The following RYR2 variants were observed in gnomAD, a reference collection of about 807,000 sequenced individuals.
The protein encoded by RYR2 is ryanodine receptor 2, also known as cardiac muscle ryanodine receptor-calcium release channel.
RYR2 carries 227 observed loss-of-function variants against 601.1 expected under a neutral mutation model. The ratio of observed to expected loss-of-function variants is 0.38; its 90% CI spans 0.34 to 0.42. The LOEUF (loss-of-function observed/expected upper bound fraction) is 0.42. Ranked by LOEUF, RYR2 falls within the 10% of genes least tolerant of loss-of-function variation. The pLI is 1.00. For synonymous variants in RYR2, 2,223 were observed against 2,175.1 expected, an observed-to-expected ratio of 1.02 and a Z score of -0.61; for missense variants, 4,646 against 6,156.5, an observed-to-expected ratio of 0.75 and a Z score of 8.21.
At chr1:237,279,743 C>T (rs1690663212) in intron 2 of RYR2, among the ~76,000 whole-genome samples, 1 of 152,038 alleles carries the variant, frequency 6.6e-6, no homozygotes. Flanking sequence ...GCAGTGCTGC[C>T]CCTACAAAAG....
chr1:237,341,530 T>C (rs962159885), intron 3 of RYR2: 40 of 430,270 alleles, frequency 9.3e-5, no homozygotes, highest in Non-Finnish European at 1.5e-4. Flanking sequence ...TCGCGGTCTG[T>C]TTATTGCCTT....
At position 237,138,738 on chromosome 1, in the gene RYR2, T is replaced by A. The variant is rs554358525; in HGVS notation, c.48+96169T>A. ...AATCTGGAGTCCCCTAGCTTAAAAG[T>A]AATTCTACTTTAAAAGTATGTAATA... On this transcript the variant is annotated intron_variant, in intron 1 of 104. Transcript: ENST00000366574. Among the ~76,000 whole-genome samples the A allele has an allele frequency of 3.9e-5, 6 of 152,356 alleles. No homozygotes were observed. The South Asian group carries it at 1.2e-3, about 32-fold the overall frequency.
chr1:237,120,224 C>T (rs527855760), intron 1 of RYR2, among the ~76,000 whole-genome samples: 40 of 152,218 alleles, frequency 2.6e-4, no homozygotes, highest in African/African-American at 7.9e-4. Flanking sequence ...GTTTATGTCA[C>T]GTGGCCTGAC....
intron 6 of RYR2, 55 bp downstream of exon 6, chr1:237,369,663 A>C: frequency 1.4e-6 from 2 of 1,402,136 alleles, no homozygotes; most frequent in Non-Finnish European, 9.9e-7. Flanking sequence ...ATTTGGGGGT[A>C]CATGGTCTGC....
At position 237,623,350 on chromosome 1, in the gene RYR2, C is replaced by CCTTTCTTAGTTTCTTTCTTT. The variant is rs1679262933; in HGVS notation, c.5917-408_5917-407insAGTTTCTTTCTTTCTTTCTT. On this transcript the variant is annotated intron_variant, in intron 38 of 104. Transcript: ENST00000366574. ...CATTTTTGCTTTTGTGGTAGTTGTG[C>CCTTTCTTAGTTTCTTTCTTT]CTTTCTTTGTTTCTTTCTTTCTTTC... 4.1e-5 allele frequency among the ~76,000 whole-genome samples: 3 copies of CCTTTCTTAGTTTCTTTCTTT among 73,872 alleles called. No homozygotes were observed. In the Admixed American group the frequency reaches 4.8e-4, roughly 12 times the overall value. The allele number at this position is 73,872 out of a possible 152,430, so 48.5% of individuals were successfully genotyped here. A position where few individuals can be genotyped will look rare whatever the true frequency, so the allele number is the denominator to read the frequency against.
chr1:237,274,907 C>T (rs1309022696), intron 2 of RYR2, among the ~76,000 whole-genome samples: 1 of 152,004 alleles, frequency 6.6e-6, no homozygotes, highest in African/African-American at 2.4e-5. Context: ...GAGTAATAGG[C>T]TATACCGTAC....
intron 8 of RYR2, among the ~76,000 whole-genome samples, chr1:237,382,201 G>C (rs965799810): frequency 6.6e-6 from 1 of 152,038 alleles, no homozygotes; most frequent in Non-Finnish European, 1.5e-5. Flanking sequence ...AATGAAACAG[G>C]CCAAGTTTTT....
At chr1:237,735,367 G>T (rs1386150304) in intron 79 of RYR2, among the ~76,000 whole-genome samples, 1 of 152,026 alleles carries the variant, frequency 6.6e-6, no homozygotes, top group African/African-American at 2.4e-5. Flanking sequence ...AGGTTGAAGG[G>T]GATTATTTTT....
At chr1:237,712,392 A>T (rs767614243) in intron 71 of RYR2, among the ~76,000 whole-genome samples, 2 of 151,826 alleles carry the variant, frequency 1.3e-5, no homozygotes, top group Non-Finnish European at 2.9e-5. Flanking sequence ...GGGTTGGTTG[A>T]CTTGTATATG....
At chr1:237,419,773 A>G (rs958894117) in intron 11 of RYR2, among the ~76,000 whole-genome samples, 6 of 151,958 alleles carry the variant, frequency 3.9e-5, no homozygotes, top group Non-Finnish European at 8.8e-5. Flanking sequence ...GATTATACTG[A>G]CTCTTTAAAC....
intron 17 of RYR2, among the ~76,000 whole-genome samples, chr1:237,475,899 C>T (rs117008348): frequency 1.4e-5 from 2 of 141,470 alleles, no homozygotes; most frequent in Non-Finnish European, 1.6e-5. Flanking sequence ...GTGATTATGT[C>T]GCTGGGCCAA....
At chr1:237,104,359 T>G (rs909721708) in intron 1 of RYR2, among the ~76,000 whole-genome samples, 1 of 152,142 alleles carries the variant, frequency 6.6e-6, no homozygotes, top group African/African-American at 2.4e-5. Context: ...CTGCCTGCCC[T>G]TAGGACCATC....
intron 76 of RYR2, among the ~76,000 whole-genome samples, chr1:237,728,642 G>T (rs1226542713): frequency 6.6e-6 from 1 of 152,046 alleles, no homozygotes; most frequent in Non-Finnish European, 1.5e-5. Flanking sequence ...CAGGGACATG[G>T]ATAAAGCTGG....
chr1:237,144,905 A>G (rs568632864), intron 1 of RYR2, among the ~76,000 whole-genome samples: 6 of 152,292 alleles, frequency 3.9e-5, no homozygotes, highest in African/African-American at 1.4e-4. Flanking sequence ...CCACCCTCAG[A>G]CGTCCCCTAA....
At chr1:237,812,468 C>T (rs7550039) in intron 100 of RYR2, among the ~76,000 whole-genome samples, 2,647 of 152,246 alleles carry the variant, frequency 0.017, 30 homozygotes, top group Non-Finnish European at 0.029. Flanking sequence ...GTATTCCTAT[C>T]GCATACAGAA....
In RYR2 at chr1:237,674,981, T is replaced by C. The variant is rs1426331220; in HGVS notation, c.8830+135T>C. ...CCCATCTATTCATCCTACTACTAAGTAGAGTTCAACGGTCAATGGATGAAC... is the reference window on the plus strand; with the variant it reads ...CCCATCTATTCATCCTACTACTAAGCAGAGTTCAACGGTCAATGGATGAAC... On this transcript the variant is annotated intron_variant, in intron 60 of 104. Coordinates refer to ENST00000366574, the MANE Select transcript of RYR2 (RefSeq NM_001035.3). The C allele has an allele frequency of 2.4e-5, 11 of 451,102 alleles. No individual in the cohort carries two copies. In the East Asian group the frequency reaches 3.5e-4, roughly 15 times the overall value. The allele number at this position is 451,102 out of a possible 1,614,324, so 27.9% of individuals were successfully genotyped here. A position where few individuals can be genotyped will look rare whatever the true frequency, so the allele number is the denominator to read the frequency against.
At chr1:237,144,521 T>C (rs1430824019) in intron 1 of RYR2, among the ~76,000 whole-genome samples, 1 of 152,208 alleles carries the variant, frequency 6.6e-6, no homozygotes, top group East Asian at 1.9e-4. Context: ...AGAAAGACAT[T>C]TCTGGGTCAC....
At chr1:237,362,204 T>G (rs983705643) in intron 4 of RYR2, among the ~76,000 whole-genome samples, 1 of 152,198 alleles carries the variant, frequency 6.6e-6, no homozygotes, top group African/African-American at 2.4e-5. Context: ...AACTAAAATT[T>G]CCACCTTTGT....
chr1:237,289,650 ATG>A (rs1282846710), intron 2 of RYR2, among the ~76,000 whole-genome samples: 1 of 85,742 alleles, frequency 1.2e-5, no homozygotes, highest in Non-Finnish European at 3.4e-5. Flanking sequence ...CTCCCATGAC[ATG>A]TGGGAATTAT....
Sources: allele counts gnomAD v4.1 joint callset (sites outside exome capture counted in the v4.1 genomes callset), GRCh38; gene constraint gnomAD v4.1.1; transcripts MANE v1.5; gene names NCBI Gene and HGNC (gene_info 2026-07-23, HGNC 2026-07-21).